ZDHHC2: variants seen among roughly 807,000 people sequenced by gnomAD.
The protein encoded by ZDHHC2 is palmitoyltransferase ZDHHC2.
In ZDHHC2, 51 loss-of-function variants were observed where a neutral mutation model predicts 55.6. The ratio of observed to expected loss-of-function variants is 0.92; its 90% CI spans 0.73 to 1.16. The LOEUF (loss-of-function observed/expected upper bound fraction) is 1.16. Among genes scored for constraint, ZDHHC2 ranks in the 50% most tolerant of loss-of-function variants. The pLI, the probability that ZDHHC2 is intolerant of heterozygous loss-of-function variation, is 0.00. For missense variants in ZDHHC2, 491 were observed against 442.4 expected, an observed-to-expected ratio of 1.11 and a Z score of -0.99; for synonymous variants, 199 against 152.9, an observed-to-expected ratio of 1.30 and a Z score of -2.22.
intron 10 of ZDHHC2, among the ~76,000 whole-genome samples, chr8:17,212,503 C>G (rs1457597426): frequency 2.0e-5 from 3 of 152,158 alleles, no homozygotes; most frequent in Non-Finnish European, 2.9e-5. Flanking sequence ...ACTCCATTTG[C>G]AAATCCTATC....
intron 3 of ZDHHC2, among the ~76,000 whole-genome samples, chr8:17,187,513 G>A (rs1805775361): frequency 1.3e-5 from 2 of 152,106 alleles, no homozygotes; most frequent in Non-Finnish European, 2.9e-5. Context: ...GCTTGGGAGA[G>A]GATGGTAAAA....
chr8:17,173,982 T>C (rs1804995364), intron 1 of ZDHHC2, among the ~76,000 whole-genome samples: 1 of 151,984 alleles, frequency 6.6e-6, no homozygotes, highest in East Asian at 1.9e-4. Context: ...CGAGGGAAAA[T>C]GATGTGAACG....
Position 17,173,918 on chromosome 8 carries a change from T to G in ZDHHC2, c.131-10871T>G, listed in dbSNP as rs186406334. Among the ~76,000 whole-genome samples the G allele has an allele frequency of 3.3e-5, 5 of 152,132 alleles. No homozygotes were observed. In the East Asian group the frequency reaches 9.7e-4, roughly 29 times the overall value. The stretch of plus-strand genomic sequence containing the variant: ...AAACGAAGTCACCAGAGTAATCCCT[T>G]ATCCAACGTGACTTGCTGTCCTTAA... On this transcript the variant is annotated intron_variant, in intron 1 of 12. Transcript: ENST00000262096.
In ZDHHC2 at chr8:17,215,269, TGA is replaced by T; in HGVS notation, c.989_990del (p.Glu330ValfsTer8). 5 of 1,602,262 alleles carry T rather than the reference TGA, an allele frequency of 3.1e-6. No homozygotes were observed. The highest frequency in any genetic ancestry group is 4.3e-6 in the Non-Finnish European group (5 of 1,174,136). On this transcript the variant is annotated frameshift_variant, in exon 11 of 13. Transcript: ENST00000262096. LOFTEE classifies it high-confidence loss of function. ...AACCATCAGTTTCCTGCAAAGCCAT[TGA>T]GAGAGTCCCAGAGCCACCTTCTTAC...
At chr8:17,172,448 G>T (rs1280905126) in intron 1 of ZDHHC2, among the ~76,000 whole-genome samples, 1 of 152,180 alleles carries the variant, frequency 6.6e-6, no homozygotes, top group Non-Finnish European at 1.5e-5. Flanking sequence ...TGGGGAGTGG[G>T]CTGCAGTTTA....
At chr8:17,208,360 A>G (rs1807209813) in intron 8 of ZDHHC2, among the ~76,000 whole-genome samples, 2 of 150,910 alleles carry the variant, frequency 1.3e-5, no homozygotes, top group Non-Finnish European at 2.9e-5. Flanking sequence ...ATATAGATAT[A>G]TAGATATAGT....
At chr8:17,208,214 C>T (rs561733487) in intron 8 of ZDHHC2, 122 bp downstream of exon 8, 19 of 1,023,026 alleles carry the variant, frequency 1.9e-5, no homozygotes, top group Non-Finnish European at 2.5e-5. Flanking sequence ...TTCTTATTTT[C>T]CTCATTGTTT....
At chr8:17,157,815 C>G (rs1217049930) in intron 1 of ZDHHC2, among the ~76,000 whole-genome samples, 1 of 152,114 alleles carries the variant, frequency 6.6e-6, no homozygotes, top group Non-Finnish European at 1.5e-5. Flanking sequence ...TTTTGCCCTA[C>G]CAAGTGCTAG....
chr8:17,170,188 T>C (rs1804788612), intron 1 of ZDHHC2, among the ~76,000 whole-genome samples: 1 of 152,218 alleles, frequency 6.6e-6, no homozygotes, highest in African/African-American at 2.4e-5. Context: ...ATGTTTACTT[T>C]ATGAATATAT....
chr8:17,160,916 T>C (rs915637386), intron 1 of ZDHHC2, among the ~76,000 whole-genome samples: 33 of 152,332 alleles, frequency 2.2e-4, no homozygotes, highest in African/African-American at 7.7e-4. Flanking sequence ...TGCTGAGCTT[T>C]GGAGTATGTG....
At chr8:17,207,876 A>C in intron 7 of ZDHHC2, 84 bp from the exon 8 acceptor site, 1 of 1,171,136 alleles carries the variant, frequency 8.5e-7, no homozygotes, top group Non-Finnish European at 1.1e-6. Flanking sequence ...TAAGCAAAAA[A>C]AAAAATCTTA....
At chr8:17,190,697 A>G (rs975885849) in intron 3 of ZDHHC2, among the ~76,000 whole-genome samples, 2 of 152,044 alleles carry the variant, frequency 1.3e-5, no homozygotes, top group Non-Finnish European at 2.9e-5. Context: ...TACATTCTGA[A>G]TTTCTTTGTA....
chr8:17,210,254 T>G (rs1383257344), intron 9 of ZDHHC2, 134 bp from the exon 10 acceptor site: 3 of 1,054,020 alleles, frequency 2.8e-6, no homozygotes, highest in Non-Finnish European at 4.1e-6. Context: ...AACACTATGT[T>G]GAGCTCAATG....
chr8:17,182,447 C>T (rs999307251), intron 1 of ZDHHC2, among the ~76,000 whole-genome samples: 1 of 152,042 alleles, frequency 6.6e-6, no homozygotes, highest in Non-Finnish European at 1.5e-5. Context: ...AACAGAGTTA[C>T]GTTTACAGGA....
At chr8:17,215,151 T>C in intron 10 of ZDHHC2, 86 bp from the exon 11 acceptor site, 1 of 1,237,880 alleles carries the variant, frequency 8.1e-7, no homozygotes, top group Non-Finnish European at 1.1e-6. Context: ...TGCAAGTGGT[T>C]TTGGTTCCAT....
intron 1 of ZDHHC2, among the ~76,000 whole-genome samples, chr8:17,169,769 C>T (rs1040491855): frequency 2.0e-5 from 3 of 152,090 alleles, no homozygotes; most frequent in Non-Finnish European, 2.9e-5. Context: ...GAGATACAGG[C>T]GGGAAACCTG....
intron 3 of ZDHHC2, among the ~76,000 whole-genome samples, chr8:17,189,011 G>T (rs937411533): frequency 6.0e-5 from 9 of 151,104 alleles, no homozygotes; most frequent in African/African-American, 1.2e-4. Context: ...CTCATGTGCC[G>T]CACTGCTCCC....
At chr8:17,179,340 A>G (rs1398584972) in intron 1 of ZDHHC2, among the ~76,000 whole-genome samples, 1 of 152,214 alleles carries the variant, frequency 6.6e-6, no homozygotes, top group Non-Finnish European at 1.5e-5. Flanking sequence ...GACCCAATCT[A>G]CAAGCTTTGT....
intron 1 of ZDHHC2, among the ~76,000 whole-genome samples, chr8:17,158,388 A>G (rs1446721619): frequency 6.6e-6 from 1 of 152,218 alleles, no homozygotes; most frequent in Non-Finnish European, 1.5e-5. Context: ...GGCCTTCATT[A>G]TCAAAATAGC....
Sources: gnomAD v4.1 joint callset for allele counts (sites outside exome capture counted in the v4.1 genomes callset) on GRCh38, gnomAD v4.1.1 for gene constraint, MANE v1.5 for transcripts, NCBI Gene and HGNC (gene_info 2026-07-23, HGNC 2026-07-21) for gene names.